Variants in MPRIP observed in about 807,000 individuals in gnomAD.
MPRIP encodes myosin phosphatase Rho interacting protein.
A neutral mutation model predicts 234.9 loss-of-function variants in MPRIP; 59 were observed. The observed-to-expected ratio is 0.25, with a 90% CI of 0.20 to 0.31. The LOEUF is 0.31. Among genes scored for constraint, MPRIP ranks in the 10% least tolerant of loss-of-function variants. The pLI, the probability that MPRIP is intolerant of heterozygous loss-of-function variation, is 1.00. For synonymous variants in MPRIP, 1,144 were observed against 1,263.9 expected, an observed-to-expected ratio of 0.91 and a Z score of 2.01; for missense variants, 2,436 against 3,071.0, an observed-to-expected ratio of 0.79 and a Z score of 4.89.
intron 1 of MPRIP, among the ~76,000 whole-genome samples, chr17:17,044,672 G>T (rs565464410): frequency 6.6e-6 from 1 of 152,146 alleles, no homozygotes; most frequent in South Asian, 2.1e-4. Context: ...CCTCATAGGG[G>T]CTGTTTTCGA....
chr17:17,136,099 A>T, intron 5 of MPRIP, 120 bp from the exon 6 acceptor site: 1 of 987,600 alleles, frequency 1.0e-6, no homozygotes, highest in Non-Finnish European at 1.6e-6. Context: ...TGAAGATTCC[A>T]GGCCCCTGAC....
At chr17:17,133,578 GGA>G (rs1054238589) in intron 5 of MPRIP, among the ~76,000 whole-genome samples, 13 of 152,286 alleles carry the variant, frequency 8.5e-5, no homozygotes, top group African/African-American at 3.1e-4. Flanking sequence ...TGTTGGCCCG[GGA>G]GAGTTTCAGA....
At chr17:17,062,499 G>A (rs977699855) in intron 1 of MPRIP, among the ~76,000 whole-genome samples, 1 of 152,256 alleles carries the variant, frequency 6.6e-6, no homozygotes, top group African/African-American at 2.4e-5. Context: ...CTTGGGAGAT[G>A]TGTGTGCTTC....
chr17:17,051,677 C>T (rs902709877), intron 1 of MPRIP, among the ~76,000 whole-genome samples: 19 of 152,248 alleles, frequency 1.2e-4, no homozygotes, highest in Admixed American at 1.1e-3. Flanking sequence ...AGCCCCCATG[C>T]CCTACCCAGA....
chr17:17,131,388 C>T (rs2090593696), intron 4 of MPRIP, among the ~76,000 whole-genome samples: 1 of 152,240 alleles, frequency 6.6e-6, no homozygotes, highest in Admixed American at 6.5e-5. Context: ...AGGCCATGGC[C>T]AGGCCAGGCC....
chr17:17,119,165 G>C (rs943279669), intron 3 of MPRIP, among the ~76,000 whole-genome samples: 2 of 152,194 alleles, frequency 1.3e-5, no homozygotes, highest in Non-Finnish European at 2.9e-5. Flanking sequence ...TGGAGCCAAT[G>C]TCCTGAATTC....
At chr17:17,172,584 A>G (rs2046163859) in intron 17 of MPRIP, 114 bp from the exon 18 acceptor site, 2 of 748,316 alleles carry the variant, frequency 2.7e-6, no homozygotes, top group South Asian at 1.7e-5. Context: ...CTGATTGACT[A>G]AGCAAGCATC....
rs567900520 is a variant in MPRIP at position 17,147,086 on chromosome 17, T to TGCCTCTTCACTGGAGGGTCACA, written c.1561-230_1561-209dup. ...CCAAGGCCTGCTCAGCTGTCTGTGC[T>TGCCTCTTCACTGGAGGGTCACA]GCCTCTTCACTGGAGGGTCACAGCT... On this transcript the variant is annotated intron_variant, in intron 10 of 23. Transcript: ENST00000651222. 5.9e-3 allele frequency among the ~76,000 whole-genome samples: 902 copies of TGCCTCTTCACTGGAGGGTCACA among 152,348 alleles called. 10 individuals carry two copies. Among genetic ancestry groups the TGCCTCTTCACTGGAGGGTCACA allele is most frequent in the African/African-American group, 0.021 (854 of 41,568 alleles).
intron 4 of MPRIP, among the ~76,000 whole-genome samples, chr17:17,130,873 G>A (rs895614318): frequency 2.0e-5 from 3 of 152,220 alleles, no homozygotes; most frequent in Non-Finnish European, 4.4e-5. Context: ...GGTGGAAGTA[G>A]TTGTGCCATG....
In MPRIP at chr17:17,078,142, T is replaced by TG; in HGVS notation, c.267+67dup. ...CCAAGTCCCTCCATTACAGTGCCCT[T>TG]GCGTTGTCATGTGAGAGCACAGCAG... On this transcript the variant is annotated intron_variant, in intron 3 of 23. Coordinates refer to ENST00000651222, the MANE Select transcript of MPRIP (RefSeq NM_001364716.4). This position sits in a 1 kb window ranked among gnomAD's most constrained non-coding sequence, Gnocchi z 4.3. The TG allele has an allele frequency of 6.6e-7, 1 of 1,510,536 alleles. No individual in the cohort carries two copies. Among genetic ancestry groups the TG allele is most frequent in the South Asian group, 1.1e-5 (1 of 89,044 alleles). The allele number at this position is 1,510,536 out of a possible 1,614,324, so 93.6% of individuals were successfully genotyped here.
intron 3 of MPRIP, among the ~76,000 whole-genome samples, chr17:17,119,826 C>T (rs1336272635): frequency 6.6e-6 from 1 of 152,196 alleles, no homozygotes; most frequent in Non-Finnish European, 1.5e-5. Context: ...ATAATAAATA[C>T]AGTGCACATG....
rs2046170265 is a variant in MPRIP, at chr17:17,172,764, C to G, written c.6539C>G (p.Ser2180Cys). 1 of 1,612,342 alleles carries G rather than the reference C, an allele frequency of 6.2e-7. No individual in the cohort carries two copies. The highest frequency in any genetic ancestry group is 1.3e-5 in the African/African-American group (1 of 74,898). The part of the protein sequence containing the change: ...MERELEKSQR[S>C]QISSVNSDVE... ...CGGGAGCTGGAGAAGAGCCAGCGGT[C>G]CCAGATCAGCAGCGTCAACTCGGAT... Residue 2180 changes from serine to cysteine, a missense_variant, in exon 18 of 24, where the codon TCC (serine) becomes TGC (cysteine). Physicochemically the swap from Ser to Cys is moderately radical, Grantham distance 112. Around this residue, in one of 4 missense-constraint regions of MPRIP, gnomAD observed 1,998 missense variants for 2,520.3 expected, o/e 0.79. Coordinates refer to ENST00000651222, the MANE Select transcript of MPRIP (RefSeq NM_001364716.4).
At chr17:17,135,338 C>T (rs2090674528) in intron 5 of MPRIP, among the ~76,000 whole-genome samples, 1 of 152,214 alleles carries the variant, frequency 6.6e-6, no homozygotes, top group Admixed American at 6.5e-5. Flanking sequence ...CCTTTTCCAT[C>T]TGGGCTACTG....
At chr17:17,147,834 A>G (rs1427724299) in intron 11 of MPRIP, among the ~76,000 whole-genome samples, 1 of 152,182 alleles carries the variant, frequency 6.6e-6, no homozygotes. Context: ...ACAGGATAGG[A>G]TAGATGAGCT....
In MPRIP at chr17:17,056,317, A is replaced by G. The variant is rs373008828; in HGVS notation, c.123+13346A>G. Among the ~76,000 whole-genome samples, 64 of 152,326 alleles carry G rather than the reference A, an allele frequency of 4.2e-4. No homozygotes were observed. In the East Asian group the frequency reaches 0.012, roughly 28 times the overall value. On this transcript the variant is annotated intron_variant, in intron 1 of 23. Coordinates refer to ENST00000651222, the MANE Select transcript of MPRIP (RefSeq NM_001364716.4). ...AGAAATTTGTCCCCACGCATTCTCCAGCCCTCTTCCCTTTGCCATGAATGG... is the reference window on the plus strand; with the variant it reads ...AGAAATTTGTCCCCACGCATTCTCCGGCCCTCTTCCCTTTGCCATGAATGG...
chr17:17,167,348 G>A lies in MPRIP; in HGVS notation c.5757G>A (p.Lys1919=), dbSNP rs950310639. The A allele has an allele frequency of 6.9e-6, 9 of 1,304,080 alleles. No individual in the cohort carries two copies. The highest frequency in any genetic ancestry group is 1.5e-5 in the African/African-American group (1 of 65,840). 80.8% of individuals were successfully genotyped at this position (1,304,080 alleles called of 1,614,324 possible). Residue 1919 remains lysine, a synonymous_variant, in exon 16 of 24, where the codon AAG becomes AAA. Coordinates refer to ENST00000651222, the MANE Select transcript of MPRIP (RefSeq NM_001364716.4). This position sits in a 1 kb window ranked among gnomAD's most constrained non-coding sequence, Gnocchi z 5.9. ...VERENAELKA[K]AAQLDHQQQC... The stretch of plus-strand genomic sequence containing the variant: ...GGGAGAATGCAGAGCTCAAGGCCAA[G>A]GCCGCCCAGCTAGACCATCAGCAGC...
At chr17:17,142,860 T>G in intron 8 of MPRIP, 95 bp downstream of exon 8, 1 of 1,400,718 alleles carries the variant, frequency 7.1e-7, no homozygotes, top group Non-Finnish European at 9.7e-7. Context: ...AGGCCTGGGA[T>G]GTGCTCCTGC....
chr17:17,085,891 C>T lies in MPRIP; in HGVS notation c.267+7815C>T, dbSNP rs138204187. ...TCACGCCACTGCACTCCAGCCTGGGCAGCAGAGTGAGACTCTGTCTCAAAA... is the reference window on the plus strand; with the variant it reads ...TCACGCCACTGCACTCCAGCCTGGGTAGCAGAGTGAGACTCTGTCTCAAAA... On this transcript the variant is annotated intron_variant, in intron 3 of 23. Transcript: ENST00000651222. 1.9e-3 allele frequency among the ~76,000 whole-genome samples: 291 copies of T among 152,306 alleles called. 1 individual carries two copies. The highest frequency in any genetic ancestry group is 6.8e-3 in the Middle Eastern group (2 of 294).
At chr17:17,064,999 T>G (rs796266289) in intron 1 of MPRIP, among the ~76,000 whole-genome samples, 4 of 152,352 alleles carry the variant, frequency 2.6e-5, no homozygotes, top group East Asian at 1.9e-4. Context: ...GCATTTGGTG[T>G]TGTCACCATT....
Sources: gnomAD v4.1 joint callset for allele counts (sites outside exome capture counted in the v4.1 genomes callset) on GRCh38, gnomAD v4.1.1 for gene constraint, gnomAD v4.1.1 regional missense constraint, Gnocchi (gnomAD v3.1) non-coding constraint, MANE v1.5 for transcripts, NCBI Gene and HGNC (gene_info 2026-07-23, HGNC 2026-07-21) for gene names.